The following P3H3 variants were observed in gnomAD, a reference collection of about 807,000 sequenced individuals.
P3H3 encodes the protein gene rich cluster, B.
P3H3 carries 64 observed loss-of-function variants against 78.1 expected under a neutral mutation model. The observed-to-expected ratio is 0.82, with a 90% CI of 0.67 to 1.01. P3H3 has a LOEUF of 1.01. P3H3 is among the 50% of genes least tolerant of loss of function. P3H3 has a pLI of 0.00. For synonymous variants in P3H3, 425 were observed against 416.7 expected (o/e 1.02, Z -0.24); for missense variants, 975 against 982.2 (o/e 0.99, Z 0.10).
intron 6 of P3H3, among the ~76,000 whole-genome samples, chr12:6,832,991 T>C (rs1004794163): frequency 6.6e-6 from 1 of 151,556 alleles, no homozygotes; most frequent in Non-Finnish European, 1.5e-5. Context: ...CTGGCCAACA[T>C]AGTGAAACCC....
chr12:6,830,083 T>C, intron 2 of P3H3, 72 bp downstream of exon 2: 1 of 1,571,138 alleles, frequency 6.4e-7, no homozygotes, highest in South Asian at 1.1e-5. Context: ...CTCACTAAAC[T>C]GTGCGTTGTG....
Position 6,829,541 on chromosome 12 carries a change from C to G in P3H3, c.499-318C>G, listed in dbSNP as rs782280324. The G allele has an allele frequency of 1.4e-4, 51 of 370,678 alleles. No homozygotes were observed. The highest frequency in any genetic ancestry group is 8.0e-4 in the South Asian group (30 of 37,296). The allele number at this position is 370,678 out of a possible 1,614,324, so 23.0% of individuals were successfully genotyped here. A position where few individuals can be genotyped will look rare whatever the true frequency, so the allele number is the denominator to read the frequency against. ...TTTTGCTGGTCGCTGAGGTCTCCCC[C>G]ACTTCCCCACCTCACTTAAGCCATC... On this transcript the variant is annotated intron_variant, in intron 1 of 14. Coordinates refer to ENST00000290510, the MANE Select transcript of P3H3 (RefSeq NM_014262.5). This position sits in a 1 kb window ranked among gnomAD's most constrained non-coding sequence, Gnocchi z 5.1.
Position 6,828,529 on chromosome 12 carries a change from C to CG in P3H3, c.94dup (p.Ala32GlyfsTer12). ...CCCCCCGGCCTGACCCAGCTGTCCCCGGGGGCGCCCCCGCAGGCCCCCGAC... is the reference window on the plus strand; with the variant it reads ...CCCCCCGGCCTGACCCAGCTGTCCCCGGGGGGCGCCCCCGCAGGCCCCCGAC... On this transcript the variant is annotated frameshift_variant, in exon 1 of 15. Coordinates refer to ENST00000290510, the MANE Select transcript of P3H3 (RefSeq NM_014262.5). LOFTEE classifies it high-confidence loss of function. 1.5e-6 allele frequency: 2 copies of CG among 1,291,110 alleles called. No individual in the cohort carries two copies. The highest frequency in any genetic ancestry group is 2.3e-5 in the South Asian group (1 of 43,488). 80.0% of individuals were successfully genotyped at this position (1,291,110 alleles called of 1,614,324 possible).
Position 6,834,020 on chromosome 12 carries a change from G to C in P3H3, c.1429G>C (p.Glu477Gln), listed in dbSNP as rs782338566. The C allele has an allele frequency of 6.2e-7, 1 of 1,613,738 alleles. No individual in the cohort carries two copies. Among genetic ancestry groups the C allele is most frequent in the Non-Finnish European group, 8.5e-7 (1 of 1,179,882 alleles). The change falls in exon 9 of 15, where the codon GAG becomes CAG. Residue 477 changes from glutamate to glutamine, a missense_variant. Transcript: ENST00000290510. ...GTTGGATGGGCTGCTCACCCCAGCC[G>C]AGTGTGGGGTGCTGCTGCAGCTGGC... The part of the protein sequence containing the change: ...AVLDGLLTPA[E>Q]CGVLLQLAKD...
rs781843120 is a variant in P3H3, at chr12:6,829,865, A to G, written c.505A>G (p.Lys169Glu). ...YLQRAYYQLK[K>E]LDLAAAAAHT... is the part of the protein sequence containing the mutation. Reference sequence around the variant, plus strand: ...CCTCCCTTCGCCTCCTCAGTTGAAGAAGCTGGATCTGGCAGCTGCGGCAGC... The same window carrying G: ...CCTCCCTTCGCCTCCTCAGTTGAAGGAGCTGGATCTGGCAGCTGCGGCAGC... The change falls in exon 2 of 15, where the codon AAG becomes GAG. Residue 169 changes from lysine (K) to glutamate (E), a missense_variant. Coordinates refer to ENST00000290510, the MANE Select transcript of P3H3 (RefSeq NM_014262.5). This position sits in a 1 kb window ranked among gnomAD's most constrained non-coding sequence, Gnocchi z 5.1. The G allele has an allele frequency of 2.5e-6, 4 of 1,613,940 alleles. No homozygotes were observed. Among genetic ancestry groups the G allele is most frequent in the Non-Finnish European group, 3.4e-6 (4 of 1,179,882 alleles).
At position 6,831,072 on chromosome 12, in the gene P3H3, A is replaced by T; in HGVS notation, c.986-144A>T. ...AGTGTTTGAAAGAACCGGCAGCTGA[A>T]CTTGTCTGCCAGTGGGAAGGGGGCT... On this transcript the variant is annotated intron_variant, in intron 4 of 14. Coordinates refer to ENST00000290510, the MANE Select transcript of P3H3 (RefSeq NM_014262.5). This position sits in a 1 kb window ranked among gnomAD's most constrained non-coding sequence, Gnocchi z 4.6. The T allele has an allele frequency of 9.3e-7, 1 of 1,071,072 alleles. No individual in the cohort carries two copies. Among genetic ancestry groups the T allele is most frequent in the Non-Finnish European group, 1.4e-6 (1 of 689,752 alleles). 66.3% of individuals were successfully genotyped at this position (1,071,072 alleles called of 1,614,324 possible).
chr12:6,832,454 C>T (rs1555121586), intron 6 of P3H3, among the ~76,000 whole-genome samples: 2 of 152,128 alleles, frequency 1.3e-5, no homozygotes, highest in African/African-American at 4.8e-5. Flanking sequence ...TCCCTGGTCT[C>T]TACCCAGTAG....
At chr12:6,830,288 C>T in intron 2 of P3H3, 65 bp from the exon 3 acceptor site, 1 of 1,478,486 alleles carries the variant, frequency 6.8e-7, no homozygotes, top group Non-Finnish European at 9.2e-7. Context: ...ACACCCCTCT[C>T]CTCTCTACCT....
In P3H3 at chr12:6,839,020, T is replaced by G. The variant is rs782058769; in HGVS notation, c.1926T>G (p.Cys642Trp). 38 of 1,607,156 alleles carry G rather than the reference T, an allele frequency of 2.4e-5. No individual in the cohort carries two copies. Among genetic ancestry groups the G allele is most frequent in the Non-Finnish European group, 3.2e-5 (38 of 1,176,960 alleles). The change falls in exon 14 of 15, where the codon TGT becomes TGG. Residue 642 changes from cysteine to tryptophan, a missense_variant. Coordinates refer to ENST00000290510, the MANE Select transcript of P3H3 (RefSeq NM_014262.5). ...LTVTARVRPRCGRLVAFSSGV... is the reference protein window; with the variant it reads ...LTVTARVRPRWGRLVAFSSGV... ...TCCAGGCTCGGGTGCGTCCTCGCTGTGGGCGCCTTGTGGCCTTCAGCTCCG... is the reference window on the plus strand; with the variant it reads ...TCCAGGCTCGGGTGCGTCCTCGCTGGGGGCGCCTTGTGGCCTTCAGCTCCG...
chr12:6,832,648 C>T (rs371795683), intron 6 of P3H3, among the ~76,000 whole-genome samples: 1 of 151,890 alleles, frequency 6.6e-6, no homozygotes, highest in East Asian at 2.0e-4. Flanking sequence ...GTCACCCAGG[C>T]TGGAGGGCAA....
In P3H3 at chr12:6,830,674, T is replaced by C. The variant is rs782381652; in HGVS notation, c.889T>C (p.Cys297Arg). 1 of 1,613,472 alleles carries C rather than the reference T, an allele frequency of 6.2e-7. No homozygotes were observed. The highest frequency in any genetic ancestry group is 1.7e-5 in the Admixed American group (1 of 59,914). The change falls in exon 4 of 15, where the codon TGT becomes CGT. Residue 297 changes from cysteine (C) to arginine (R), a missense_variant. Physicochemically the swap from Cys to Arg is radical, Grantham distance 180. Coordinates refer to ENST00000290510, the MANE Select transcript of P3H3 (RefSeq NM_014262.5). ...WIQVLQCRQRCVGETATRPGR... is the reference protein window; with the variant it reads ...WIQVLQCRQRRVGETATRPGR... ...TCAGGTCCTGCAGTGCCGGCAACGC[T>C]GTGTGGGGGAAACAGCCACACGCCC... is the stretch of plus-strand genomic sequence containing the variant.
rs1242921806 is a variant in P3H3, at chr12:6,829,956, G to A, written c.596G>A (p.Arg199Gln). The change falls in exon 2 of 15, where the codon CGA (arginine) becomes CAA (glutamine). Residue 199 changes from arginine (R) to glutamine (Q), a missense_variant. Arg to Gln is a conservative substitution (Grantham distance 43, BLOSUM62 1). Coordinates refer to ENST00000290510, the MANE Select transcript of P3H3 (RefSeq NM_014262.5). This position sits in a 1 kb window ranked among gnomAD's most constrained non-coding sequence, Gnocchi z 5.1. The part of the protein sequence containing the change: ...QMREDMAKYR[R>Q]MSGVRPQSFR... ...CGGGAGGACATGGCTAAGTACAGAC[G>A]AATGTCGGGAGTTCGGCCCCAGAGC... is the stretch of plus-strand genomic sequence containing the variant. The A allele has an allele frequency of 9.9e-6, 16 of 1,613,892 alleles. No homozygotes were observed. The highest frequency in any genetic ancestry group is 1.4e-5 in the Non-Finnish European group (16 of 1,179,886).
intron 4 of P3H3, 183 bp downstream of exon 4, chr12:6,830,953 G>A (rs1555121332): frequency 5.5e-6 from 5 of 915,362 alleles, no homozygotes; most frequent in Non-Finnish European, 8.7e-6. Context: ...AAGCTCAGGA[G>A]ATGGGCTTCC....
chr12:6,837,659 C>A (rs782371475), intron 11 of P3H3, 73 bp from the exon 12 acceptor site: 4 of 1,580,518 alleles, frequency 2.5e-6, no homozygotes, highest in Non-Finnish European at 3.4e-6. Context: ...GGTGGACGTG[C>A]ACGGCCTGAG....
At chr12:6,837,359 C>T in intron 10 of P3H3, 64 bp from the exon 11 acceptor site, 1 of 1,546,414 alleles carries the variant, frequency 6.5e-7, no homozygotes, top group Admixed American at 1.9e-5. Context: ...TGGGCAGGGG[C>T]TAGGGCCGAG....
At chr12:6,835,195 G>T (rs1382298023) in intron 9 of P3H3, among the ~76,000 whole-genome samples, 1 of 152,196 alleles carries the variant, frequency 6.6e-6, no homozygotes, top group Non-Finnish European at 1.5e-5. Context: ...AGCCTAATTT[G>T]CTCATCTATA....
intron 4 of P3H3, 172 bp downstream of exon 4, chr12:6,830,942 C>G (rs1555121330): frequency 2.0e-6 from 2 of 976,198 alleles, no homozygotes; most frequent in Non-Finnish European, 3.2e-6. Context: ...GCGCCTGTGA[C>G]AAGCTCAGGA....
intron 10 of P3H3, 46 bp downstream of exon 10, chr12:6,837,132 G>A: frequency 1.3e-6 from 2 of 1,507,686 alleles, no homozygotes; most frequent in Non-Finnish European, 1.8e-6. Flanking sequence ...CAGACCTGGA[G>A]GAGAGGCTGT....
In P3H3 at chr12:6,830,527, C is replaced by A. The variant is rs1555121199; in HGVS notation, c.826C>A (p.Gln276Lys). 1 of 1,573,988 alleles carries A rather than the reference C, an allele frequency of 6.4e-7. No individual in the cohort carries two copies. The highest frequency in any genetic ancestry group is 1.4e-5 in the African/African-American group (1 of 74,032). Residue 276 changes from glutamine (Q) to lysine (K), a missense_variant, in exon 3 of 15, where the codon CAG (glutamine) becomes AAG (lysine). Physicochemically the swap from Gln to Lys is moderately conservative, Grantham distance 53. Transcript: ENST00000290510. ...AEEEEDGAAS[Q>K]GGLYEAIAGH... ...AGAAGAGGAGGATGGGGCTGCGAGCCAGGGGGGCCTCTATGAGGCCATTGC... is the reference window on the plus strand; with the variant it reads ...AGAAGAGGAGGATGGGGCTGCGAGCAAGGGGGGCCTCTATGAGGCCATTGC...
Sources: allele counts gnomAD v4.1 joint callset (sites outside exome capture counted in the v4.1 genomes callset), GRCh38; gene constraint gnomAD v4.1.1; non-coding constraint Gnocchi (gnomAD v3.1); transcripts MANE v1.5; gene names NCBI Gene and HGNC (gene_info 2026-07-23, HGNC 2026-07-21).